Variants in ASTN2 observed in about 807,000 individuals in gnomAD.
ASTN2 encodes astrotactin 2.
A neutral mutation model predicts 139.8 loss-of-function variants in ASTN2; 54 were observed. The ratio of observed to expected loss-of-function variants is 0.39; its 90% CI spans 0.31 to 0.48. The LOEUF is 0.48. Among genes scored for constraint, ASTN2 ranks in the 20% least tolerant of loss-of-function variants. The pLI is 0.95. For synonymous variants in ASTN2, 756 were observed against 719.5 expected (o/e 1.05, Z -0.81); for missense variants, 1,565 against 1,725.1 (o/e 0.91, Z 1.64).
At chr9:116,578,619 C>CGTGTGTGTGTGTGTGT (rs71377254) in intron 19 of ASTN2, among the ~76,000 whole-genome samples, 2 of 137,592 alleles carry the variant, frequency 1.5e-5, no homozygotes, top group Admixed American at 7.4e-5. Flanking sequence ...CTGGCTCCAA[C>CGTGTGTGTGTGTGTGT]GTGTGTGTGT....
intron 13 of ASTN2, among the ~76,000 whole-genome samples, chr9:116,763,256 T>C (rs760216850): frequency 2.0e-5 from 3 of 152,228 alleles, no homozygotes; most frequent in African/African-American, 4.8e-5. Flanking sequence ...CTCGCTGTTT[T>C]GGACACATGT....
intron 8 of ASTN2, 80 bp downstream of exon 8, chr9:116,976,621 C>A: frequency 8.0e-7 from 1 of 1,252,904 alleles, no homozygotes; most frequent in East Asian, 2.3e-5. Context: ...TGTGGAGATG[C>A]TTGGGGCCTC....
intron 5 of ASTN2, among the ~76,000 whole-genome samples, chr9:117,065,049 T>C (rs1474723199): frequency 1.3e-5 from 2 of 152,122 alleles, no homozygotes; most frequent in African/African-American, 4.8e-5. Context: ...AAGCCAATGA[T>C]TGGTGTCCTT....
At chr9:116,892,032 T>A (rs551072292) in intron 10 of ASTN2, among the ~76,000 whole-genome samples, 25 of 152,204 alleles carry the variant, frequency 1.6e-4, no homozygotes, top group Middle Eastern at 3.2e-3. Context: ...TACTGCACAT[T>A]TTCCTAAAAT....
chr9:116,879,005 G>C (rs2132365981), intron 10 of ASTN2, among the ~76,000 whole-genome samples: 1 of 151,900 alleles, frequency 6.6e-6, no homozygotes, highest in South Asian at 2.1e-4. Flanking sequence ...GAGAGACTCT[G>C]GTGATCTGGA....
intron 11 of ASTN2, among the ~76,000 whole-genome samples, chr9:116,832,679 C>G (rs10983368): frequency 0.01 from 1,538 of 152,012 alleles, 16 homozygotes; most frequent in East Asian, 0.034. Context: ...AAATAGGGAA[C>G]CATTCTTGCA....
At chr9:116,632,154 G>C (rs1387482365) in intron 17 of ASTN2, among the ~76,000 whole-genome samples, 14 of 65,574 alleles carry the variant, frequency 2.1e-4, no homozygotes, top group Admixed American at 5.5e-4. Flanking sequence ...GAGAGAGAGA[G>C]AGACAGAGAG....
rs781333763 is a variant in ASTN2 at position 116,698,523 on chromosome 9, G to C, written c.2806+27248C>G. 1 of 1,613,778 alleles carries C rather than the reference G, an allele frequency of 6.2e-7. No homozygotes were observed. The highest frequency in any genetic ancestry group is 1.7e-5 in the Admixed American group (1 of 60,014). ...ACTACTGGAGGAGACAGCTGATGAGGAGGAGCCAGAGCTCACTGCCAGCTT... is the reference window on the plus strand; with the variant it reads ...ACTACTGGAGGAGACAGCTGATGAGCAGGAGCCAGAGCTCACTGCCAGCTT... On this transcript the variant is annotated intron_variant, in intron 16 of 22. Coordinates refer to ENST00000313400, the MANE Select transcript of ASTN2 (RefSeq NM_001365068.1). This position sits in a 1 kb window ranked among gnomAD's most constrained non-coding sequence, Gnocchi z 4.4.
intron 10 of ASTN2, among the ~76,000 whole-genome samples, chr9:116,933,997 T>TTTTTTTTTTTTTTTTTTTG: frequency 9.9e-6 from 1 of 101,242 alleles, no homozygotes; most frequent in African/African-American, 3.3e-5. Context: ...TTTTTTTTTT[T>TTTTTTTTTTTTTTTTTTTG]TTTTTCTGGA....
At chr9:116,815,830 T>TAAAAAAAAAAA in intron 12 of ASTN2, among the ~76,000 whole-genome samples, 3 of 41,884 alleles carry the variant, frequency 7.2e-5, no homozygotes, top group Non-Finnish European at 1.0e-4. Context: ...AAAAAAAAAG[T>TAAAAAAAAAAA]TGATGAAATG....
chr9:117,133,318 A>C (rs1200269066), intron 4 of ASTN2, among the ~76,000 whole-genome samples: 1 of 152,150 alleles, frequency 6.6e-6, no homozygotes, highest in Non-Finnish European at 1.5e-5. Flanking sequence ...TGATTGTATG[A>C]TTTGTAGATT....
chr9:116,569,841 C>T (rs947121448), intron 19 of ASTN2, among the ~76,000 whole-genome samples: 8 of 152,176 alleles, frequency 5.3e-5, no homozygotes, highest in African/African-American at 1.9e-4. Context: ...GAAACTGGAG[C>T]ATGCAAGGCC....
chr9:117,020,173 C>T (rs1450363573), intron 6 of ASTN2, among the ~76,000 whole-genome samples: 1 of 151,868 alleles, frequency 6.6e-6, no homozygotes, highest in African/African-American at 2.4e-5. Context: ...TCATTTACAC[C>T]TATATTACCT....
chr9:116,614,927 T>A (rs1471364208), intron 19 of ASTN2, among the ~76,000 whole-genome samples: 1 of 151,964 alleles, frequency 6.6e-6, no homozygotes, highest in Non-Finnish European at 1.5e-5. Context: ...ACCAGCAGAG[T>A]GAACAGGCAA....
chr9:117,053,755 TGG>T (rs2132672187), intron 5 of ASTN2, among the ~76,000 whole-genome samples: 1 of 152,304 alleles, frequency 6.6e-6, no homozygotes, highest in South Asian at 2.1e-4. Context: ...AGAAAAGAAT[TGG>T]GGCCTTGCAG....
intron 1 of ASTN2, among the ~76,000 whole-genome samples, chr9:117,296,817 C>G (rs1266491980): frequency 1.3e-5 from 2 of 152,138 alleles, no homozygotes; most frequent in African/African-American, 4.8e-5. Context: ...GCCTTTTCAC[C>G]TTTTTCTGCT....
rs12337382 is a variant in ASTN2, at chr9:116,708,558, C to T, written c.2806+17213G>A. On this transcript the variant is annotated intron_variant, in intron 16 of 22. Coordinates refer to ENST00000313400, the MANE Select transcript of ASTN2 (RefSeq NM_001365068.1). ...CACTGATCATACTGATCACATCATC[C>T]TCCAAGAAGGTTCATTTGGCACACT... Among the ~76,000 whole-genome samples, 822 of 152,218 alleles carry T rather than the reference C, an allele frequency of 5.4e-3. 4 individuals carry two copies. Among genetic ancestry groups the T allele is most frequent in the African/African-American group, 0.019 (786 of 41,522 alleles).
At chr9:116,982,671 T>A (rs1430402377) in intron 7 of ASTN2, among the ~76,000 whole-genome samples, 1 of 152,094 alleles carries the variant, frequency 6.6e-6, no homozygotes, top group African/African-American at 2.4e-5. Flanking sequence ...GCTCAAGAGA[T>A]CCTCTTGCCC....
At chr9:116,675,929 C>G (rs1245577057) in intron 16 of ASTN2, among the ~76,000 whole-genome samples, 1 of 152,140 alleles carries the variant, frequency 6.6e-6, no homozygotes, top group Admixed American at 6.5e-5. Flanking sequence ...GTTGACATTG[C>G]GTGCTGAACA....
Sources: gnomAD v4.1 joint callset for allele counts (sites outside exome capture counted in the v4.1 genomes callset) on GRCh38, gnomAD v4.1.1 for gene constraint, Gnocchi (gnomAD v3.1) non-coding constraint, MANE v1.5 for transcripts, NCBI Gene and HGNC (gene_info 2026-07-23, HGNC 2026-07-21) for gene names.